C7orf57: variants seen among roughly 807,000 people sequenced by gnomAD.
C7orf57 encodes the protein chromosome 7 open reading frame 57.
A neutral mutation model predicts 39.0 loss-of-function variants in C7orf57; 33 were observed. The ratio of observed to expected loss-of-function variants is 0.85; its 90% confidence interval spans 0.64 to 1.13. C7orf57 has a LOEUF of 1.13. Ranked by LOEUF, C7orf57 falls within the 50% of genes most tolerant of loss-of-function variation. The pLI is 0.00. For missense variants in C7orf57, 346 were observed against 362.3 expected (o/e 0.95, Z 0.37); for synonymous variants, 124 against 137.1 (o/e 0.90, Z 0.67).
intron 4 of C7orf57, 120 bp from the exon 5 acceptor site, chr7:48,046,336 CAGTG>C: frequency 1.3e-6 from 1 of 793,632 alleles, no homozygotes; most frequent in Non-Finnish European, 1.9e-6. Flanking sequence ...AGGAGGGAGA[CAGTG>C]AGAGAAGGAG....
rs1790995140 is a variant in C7orf57 at position 48,052,778 on chromosome 7, G to C, written c.684G>C (p.Gln228His). 7.4e-6 allele frequency: 12 copies of C among 1,614,046 alleles called. No homozygotes were observed. The highest frequency in any genetic ancestry group is 1.0e-5 in the Non-Finnish European group (12 of 1,179,902). ...GTTATAAGGATGAGTGGTTGCAGCA[G>C]CAGCAGCGAGCTGACTCAGACAAGA... ...SNGYKDEWLQ[Q>H]QQRADSDKRT... The change falls in exon 7 of 9, where the codon CAG (glutamine) becomes CAC (histidine). Residue 228 changes from glutamine to histidine, a missense_variant. By Grantham distance (24) the Gln-to-His change is conservative. Transcript: ENST00000348904.
intron 8 of C7orf57, among the ~76,000 whole-genome samples, 165 bp downstream of exon 8, chr7:48,054,771 A>C (rs1006074312): frequency 1.3e-5 from 2 of 152,212 alleles, no homozygotes; most frequent in African/African-American, 4.8e-5. Flanking sequence ...GTATGCTTTA[A>C]AAAAATCAGA....
intron 3 of C7orf57, 72 bp from the exon 4 acceptor site, chr7:48,043,409 A>G: frequency 8.7e-7 from 1 of 1,146,368 alleles, no homozygotes; most frequent in South Asian, 1.3e-5. Flanking sequence ...AATTGAGCCT[A>G]TCACTGGCAA....
intron 5 of C7orf57, among the ~76,000 whole-genome samples, chr7:48,047,827 C>A (rs574711936): frequency 6.6e-6 from 1 of 152,056 alleles, no homozygotes; most frequent in Non-Finnish European, 1.5e-5. Context: ...CACAGCCTCC[C>A]GAGTAGCTAG....
Position 48,041,431 on chromosome 7 carries a change from C to T in C7orf57, c.153C>T (p.His51=), listed in dbSNP as rs1354751455. ...IPGLSNLGDS[H]SENLPGTRRY... ...GTCTCAGCAATTTGGGAGACTCACACAGCGAGAACCTGCCTGGGACTCGGA... is the reference window on the plus strand; with the variant it reads ...GTCTCAGCAATTTGGGAGACTCACATAGCGAGAACCTGCCTGGGACTCGGA... The change falls in exon 3 of 9, where the codon CAC becomes CAT. Residue 51 remains histidine, a synonymous_variant. Coordinates refer to ENST00000348904, the MANE Select transcript of C7orf57 (RefSeq NM_001100159.3). 1 of 1,613,862 alleles carries T rather than the reference C, an allele frequency of 6.2e-7. No individual in the cohort carries two copies. Among genetic ancestry groups the T allele is most frequent in the Non-Finnish European group, 8.5e-7 (1 of 1,179,884 alleles).
chr7:48,052,079 T>C (rs184711027), intron 6 of C7orf57, among the ~76,000 whole-genome samples: 82 of 151,584 alleles, frequency 5.4e-4, no homozygotes, highest in African/African-American at 1.9e-3. Flanking sequence ...GTTCAAGCAA[T>C]TCTCCTGCCT....
intron 4 of C7orf57, among the ~76,000 whole-genome samples, chr7:48,046,153 G>A (rs1250225074): frequency 6.6e-6 from 1 of 151,946 alleles, no homozygotes; most frequent in Non-Finnish European, 1.5e-5. Flanking sequence ...CAGGAGGGAA[G>A]GGCCCGTCTG....
intron 8 of C7orf57, among the ~76,000 whole-genome samples, chr7:48,057,420 C>A (rs2128799586): frequency 6.6e-6 from 1 of 152,020 alleles, no homozygotes; most frequent in South Asian, 2.1e-4. Flanking sequence ...TTTTTCAGAT[C>A]ATTTGTTGTT....
At chr7:48,052,519 GGA>G (rs1389930322) in intron 6 of C7orf57, among the ~76,000 whole-genome samples, 179 bp from the exon 7 acceptor site, 11 of 152,048 alleles carry the variant, frequency 7.2e-5, no homozygotes, top group African/African-American at 2.7e-4. Flanking sequence ...AGAAGCAGAG[GGA>G]GAGACAAAGG....
intron 2 of C7orf57, among the ~76,000 whole-genome samples, chr7:48,037,374 T>C (rs976707712): frequency 2.0e-5 from 3 of 152,204 alleles, no homozygotes; most frequent in Non-Finnish European, 2.9e-5. Context: ...CAAGGTAACA[T>C]TACCCCCATT....
At chr7:48,037,773 G>A (rs950779456) in intron 2 of C7orf57, among the ~76,000 whole-genome samples, 8 of 152,106 alleles carry the variant, frequency 5.3e-5, no homozygotes, top group South Asian at 2.1e-4. Flanking sequence ...GTGTGTGCGC[G>A]CGCGTGCGTG....
chr7:48,050,040 A>G, intron 6 of C7orf57, 63 bp downstream of exon 6: 5 of 1,106,062 alleles, frequency 4.5e-6, no homozygotes, highest in Non-Finnish European at 6.9e-6. Flanking sequence ...TCCGTCTTTC[A>G]TCCGGTGATG....
chr7:48,042,801 C>T (rs957393276), intron 3 of C7orf57, among the ~76,000 whole-genome samples: 8 of 152,172 alleles, frequency 5.3e-5, no homozygotes, highest in African/African-American at 1.9e-4. Flanking sequence ...TCAAGAAAGT[C>T]AGTTCTTCCC....
intron 2 of C7orf57, among the ~76,000 whole-genome samples, chr7:48,037,153 G>A (rs1023980387): frequency 7.2e-6 from 1 of 138,332 alleles, no homozygotes; most frequent in Admixed American, 7.2e-5. Context: ...AAGATAGTGT[G>A]GCCATGCTGG....
rs1433815115 is a variant in C7orf57 at position 48,051,767 on chromosome 7, TTTCTTTC to T, written c.606-930_606-924del. Among the ~76,000 whole-genome samples the T allele has an allele frequency of 7.2e-4, 28 of 38,866 alleles. 1 individual carries two copies. The highest frequency in any genetic ancestry group is 1.9e-3 in the Non-Finnish European group (21 of 11,100). 25.5% of individuals were successfully genotyped at this position (38,866 alleles called of 152,430 possible). On this transcript the variant is annotated intron_variant, in intron 6 of 8. Coordinates refer to ENST00000348904, the MANE Select transcript of C7orf57 (RefSeq NM_001100159.3). ...TCTTTTTCTTTTCTTTCTTTCTTTCTTTCTTTCTTTCTTTCTTTCTTTCTTTCTTTCC... is the reference window on the plus strand; with the variant it reads ...TCTTTTTCTTTTCTTTCTTTCTTTCTTTTCTTTCTTTCTTTCTTTCTTTCC...
intron 4 of C7orf57, among the ~76,000 whole-genome samples, chr7:48,043,999 C>T (rs1379710568): frequency 6.6e-6 from 1 of 152,064 alleles, no homozygotes; most frequent in East Asian, 1.9e-4. Context: ...GAACCTTGGG[C>T]CATGCATGAG....
Position 48,052,882 on chromosome 7 carries a change from TC to T in C7orf57, c.790del (p.Gln264ArgfsTer35). On this transcript the variant is annotated frameshift_variant, in exon 7 of 9. Transcript: ENST00000348904. LOFTEE classifies it high-confidence loss of function. ...DLEGPQDAAR[L>X]QDAEASEGPE... ...GAAGGTCCCCAGGATGCAGCCAGGCTCCAGGATGCAGAGGCTTCTGAAGGTC... is the reference window on the plus strand; with the variant it reads ...GAAGGTCCCCAGGATGCAGCCAGGCTCAGGATGCAGAGGCTTCTGAAGGTC... 6.2e-7 allele frequency: 1 copy of T among 1,613,854 alleles called. No homozygotes were observed. Among genetic ancestry groups the T allele is most frequent in the Non-Finnish European group, 8.5e-7 (1 of 1,179,826 alleles).
intron 4 of C7orf57, among the ~76,000 whole-genome samples, chr7:48,044,182 A>G (rs547572126): frequency 6.6e-6 from 1 of 152,268 alleles, no homozygotes; most frequent in East Asian, 1.9e-4. Context: ...AGTGCAGCGG[A>G]CACTCTGCCG....
At chr7:48,048,469 G>T (rs1409018244) in intron 5 of C7orf57, among the ~76,000 whole-genome samples, 4 of 152,104 alleles carry the variant, frequency 2.6e-5, no homozygotes, top group Non-Finnish European at 5.9e-5. Context: ...GGGGGATCTT[G>T]TTTCTTTTTT....
Sources: allele counts gnomAD v4.1 joint callset (sites outside exome capture counted in the v4.1 genomes callset), GRCh38; gene constraint gnomAD v4.1.1; transcripts MANE v1.5; gene names NCBI Gene and HGNC (gene_info 2026-07-23, HGNC 2026-07-21).